Variants in KHDRBS3 observed in about 807,000 individuals in gnomAD.
KHDRBS3 encodes the protein KH domain-containing, RNA-binding, signal transduction-associated protein 3.
A neutral mutation model predicts 45.6 loss-of-function variants in KHDRBS3; 23 were observed. The observed-to-expected ratio is 0.50, with a 90% CI of 0.36 to 0.72. KHDRBS3 has a LOEUF of 0.72. KHDRBS3 is among the 30% of genes least tolerant of loss of function. The pLI is 0.00. For synonymous variants in KHDRBS3, 162 were observed against 156.5 expected, an observed-to-expected ratio of 1.04 and a Z score of -0.26; for missense variants, 352 against 424.8, an observed-to-expected ratio of 0.83 and a Z score of 1.51.
At chr8:135,607,268 T>C (rs1829507713) in intron 7 of KHDRBS3, among the ~76,000 whole-genome samples, 1 of 152,200 alleles carries the variant, frequency 6.6e-6, no homozygotes, top group South Asian at 2.1e-4. Flanking sequence ...AATTTTAGTC[T>C]AAAAATTCAA....
intron 6 of KHDRBS3, among the ~76,000 whole-genome samples, chr8:135,582,912 A>G (rs958801852): frequency 6.6e-6 from 1 of 152,138 alleles, no homozygotes; most frequent in Non-Finnish European, 1.5e-5. Flanking sequence ...AACCTCTTCA[A>G]CCTCATCTGT....
intron 1 of KHDRBS3, among the ~76,000 whole-genome samples, chr8:135,516,313 T>G (rs1011646517): frequency 2.0e-5 from 3 of 152,200 alleles, no homozygotes; most frequent in African/African-American, 7.2e-5. Context: ...AAGGACTGGG[T>G]CATTACTGCA....
intron 1 of KHDRBS3, among the ~76,000 whole-genome samples, chr8:135,484,587 T>C (rs1411546571): frequency 6.6e-6 from 1 of 152,274 alleles, no homozygotes; most frequent in African/African-American, 2.4e-5. Context: ...TTTTACTGCA[T>C]TTTAATGTTA....
At chr8:135,634,852 GT>G (rs1210975571) in intron 7 of KHDRBS3, among the ~76,000 whole-genome samples, 1 of 152,188 alleles carries the variant, frequency 6.6e-6, no homozygotes, top group African/African-American at 2.4e-5. Flanking sequence ...CAAGGAGACA[GT>G]TTTCCAGATA....
chr8:135,645,224 C>G (rs1198046799), intron 8 of KHDRBS3, 107 bp downstream of exon 8: 1 of 1,079,042 alleles, frequency 9.3e-7, no homozygotes, highest in African/African-American at 1.5e-5. Flanking sequence ...TCTGAAACAG[C>G]AGCTTCCTGT....
At chr8:135,617,953 T>C (rs1829987712) in intron 7 of KHDRBS3, among the ~76,000 whole-genome samples, 1 of 152,194 alleles carries the variant, frequency 6.6e-6, no homozygotes, top group Non-Finnish European at 1.5e-5. Context: ...TCTAAGTTAC[T>C]TGTTGCAGGT....
intron 1 of KHDRBS3, among the ~76,000 whole-genome samples, chr8:135,494,907 G>A (rs1325287137): frequency 6.6e-6 from 1 of 152,202 alleles, no homozygotes; most frequent in African/African-American, 2.4e-5. Context: ...TACTGACCTT[G>A]CCCTGGGGGT....
chr8:135,501,919 A>G (rs1222040763), intron 1 of KHDRBS3, among the ~76,000 whole-genome samples: 1 of 152,166 alleles, frequency 6.6e-6, no homozygotes, highest in East Asian at 1.9e-4. Context: ...ACACTGTCAC[A>G]TCTTGCACTT....
intron 2 of KHDRBS3, among the ~76,000 whole-genome samples, chr8:135,523,132 T>C (rs1465491358): frequency 6.6e-6 from 1 of 152,190 alleles, no homozygotes; most frequent in African/African-American, 2.4e-5. Context: ...TCAGGATTAC[T>C]TAGATACTTT....
chr8:135,603,295 T>G (rs904536745), intron 6 of KHDRBS3, among the ~76,000 whole-genome samples: 4 of 152,240 alleles, frequency 2.6e-5, no homozygotes, highest in African/African-American at 9.6e-5. Flanking sequence ...TGCTAAGTGA[T>G]GAAGATTTAA....
intron 6 of KHDRBS3, among the ~76,000 whole-genome samples, chr8:135,583,018 G>A (rs1004931415): frequency 6.6e-6 from 1 of 152,166 alleles, no homozygotes; most frequent in African/African-American, 2.4e-5. Context: ...CCAGACCTTT[G>A]CTTATACTGC....
intron 6 of KHDRBS3, among the ~76,000 whole-genome samples, chr8:135,586,182 C>T (rs1828463735): frequency 6.6e-6 from 1 of 152,158 alleles, no homozygotes; most frequent in Non-Finnish European, 1.5e-5. Flanking sequence ...CTACTATGAT[C>T]TCTACTGTAC....
At chr8:135,561,346 G>A (rs776895431) in intron 5 of KHDRBS3, among the ~76,000 whole-genome samples, 4 of 152,108 alleles carry the variant, frequency 2.6e-5, no homozygotes, top group Non-Finnish European at 5.9e-5. Context: ...GTCCGATGAG[G>A]TGGGCACTGT....
intron 6 of KHDRBS3, among the ~76,000 whole-genome samples, chr8:135,591,131 G>A (rs1181871348): frequency 1.3e-5 from 2 of 152,196 alleles, no homozygotes; most frequent in Non-Finnish European, 2.9e-5. Flanking sequence ...GAGGCACTAG[G>A]TACCTTTTCA....
At chr8:135,490,722 T>A (rs1823105681) in intron 1 of KHDRBS3, among the ~76,000 whole-genome samples, 1 of 152,162 alleles carries the variant, frequency 6.6e-6, no homozygotes, top group East Asian at 1.9e-4. Flanking sequence ...AGAATATGAA[T>A]CACAAGACCA....
intron 5 of KHDRBS3, among the ~76,000 whole-genome samples, chr8:135,577,108 T>C (rs930768689): frequency 1.2e-5 from 1 of 80,762 alleles, no homozygotes; most frequent in Admixed American, 1.2e-4. Context: ...TTATTTACGG[T>C]TTTTTTTTTC....
chr8:135,573,826 C>T (rs1827822287), intron 5 of KHDRBS3, among the ~76,000 whole-genome samples: 1 of 152,036 alleles, frequency 6.6e-6, no homozygotes, highest in South Asian at 2.1e-4. Context: ...AGTTTCAAGA[C>T]CAGAAACCGT....
intron 6 of KHDRBS3, among the ~76,000 whole-genome samples, chr8:135,598,635 T>A (rs1829073989): frequency 1.3e-5 from 2 of 152,232 alleles, no homozygotes; most frequent in African/African-American, 4.8e-5. Flanking sequence ...GAATCATTGT[T>A]AATATGGTAA....
chr8:135,479,653 T>C (rs1005254778), intron 1 of KHDRBS3, among the ~76,000 whole-genome samples: 1 of 152,322 alleles, frequency 6.6e-6, no homozygotes, highest in South Asian at 2.1e-4. Context: ...AAGCCTCTGT[T>C]GGCATTAATC....
Sources: allele counts gnomAD v4.1 joint callset (sites outside exome capture counted in the v4.1 genomes callset), GRCh38; gene constraint gnomAD v4.1.1; transcripts MANE v1.5; gene names NCBI Gene and HGNC (gene_info 2026-07-23, HGNC 2026-07-21).